Variants in SUMF1 observed in about 807,000 individuals in gnomAD.
SUMF1 encodes the protein formylglycine-generating enzyme.
A neutral mutation model predicts 47.6 loss-of-function variants in SUMF1; 48 were observed. That is an observed-to-expected ratio of 1.01 (90% CI 0.80 to 1.28). SUMF1 has a LOEUF of 1.28. Ranked by LOEUF, SUMF1 falls within the 50% of genes most tolerant of loss-of-function variation. SUMF1 has a pLI of 0.00. For synonymous variants in SUMF1, 230 were observed against 192.1 expected (o/e 1.20, Z -1.63); for missense variants, 571 against 485.4 (o/e 1.18, Z -1.66).
chr3:4,303,701 C>T (rs1698053047), intron 8 of SUMF1: 1 of 1,501,740 alleles, frequency 6.7e-7, no homozygotes, highest in Non-Finnish European at 8.9e-7. Context: ...TTTCTGTTGA[C>T]CCACGGCATC....
chr3:4,253,801 TG>T lies in SUMF1; in HGVS notation c.1014+122528del, dbSNP rs372810520. Among the ~76,000 whole-genome samples, 746 of 146,308 alleles carry T rather than the reference TG, an allele frequency of 5.1e-3. 2 individuals are homozygous for T. Among genetic ancestry groups the T allele is most frequent in the Middle Eastern group, 0.01 (3 of 290 alleles). The stretch of plus-strand genomic sequence containing the variant: ...TGCCTGCCTCTGTAGGCTCCACCTC[TG>T]GGGGGCAGGGCACAGACAAACAAAA... On this transcript the variant is annotated intron_variant and NMD_transcript_variant, in intron 8 of 12. Transcript: ENST00000448413.
intron 8 of SUMF1, among the ~76,000 whole-genome samples, chr3:4,102,922 C>CT (rs59784747): frequency 0.11 from 15,753 of 143,406 alleles, 1,568 homozygotes; most frequent in African/African-American, 0.25. Flanking sequence ...ACAGAAACTT[C>CT]TTTTTTTTTT....
At chr3:4,371,432 T>C (rs993179795) in intron 8 of SUMF1, among the ~76,000 whole-genome samples, 2 of 152,210 alleles carry the variant, frequency 1.3e-5, no homozygotes, top group Non-Finnish European at 2.9e-5. Context: ...AGCAGCAATA[T>C]GGTTTTTATG....
chr3:4,073,440 T>C (rs572698708), intron 8 of SUMF1, among the ~76,000 whole-genome samples: 1 of 152,044 alleles, frequency 6.6e-6, no homozygotes, highest in African/African-American at 2.4e-5. Context: ...ACAGGCAAAA[T>C]AACCAGCTAG....
At chr3:4,134,131 A>G (rs1306493132) in intron 8 of SUMF1, among the ~76,000 whole-genome samples, 1 of 152,102 alleles carries the variant, frequency 6.6e-6, no homozygotes, top group African/African-American at 2.4e-5. Flanking sequence ...ATAGACATCT[A>G]CAGAACTCTC....
At chr3:4,064,739 C>A (rs1333136194) in intron 9 of SUMF1, among the ~76,000 whole-genome samples, 1 of 152,074 alleles carries the variant, frequency 6.6e-6, no homozygotes, top group Admixed American at 6.6e-5. Flanking sequence ...AGGAATTGAA[C>A]CCAGGTCTAC....
chr3:4,185,017 A>C (rs1379404169), intron 8 of SUMF1, among the ~76,000 whole-genome samples: 2 of 152,106 alleles, frequency 1.3e-5, no homozygotes, highest in East Asian at 3.9e-4. Context: ...ATAAGGTAAA[A>C]TCATCCTATT....
At chr3:4,319,972 T>A (rs1278217643) in intron 8 of SUMF1, among the ~76,000 whole-genome samples, 1 of 152,104 alleles carries the variant, frequency 6.6e-6, no homozygotes, top group Non-Finnish European at 1.5e-5. Flanking sequence ...AGAATAAAAA[T>A]GTCAGTGGTT....
intron 8 of SUMF1, among the ~76,000 whole-genome samples, chr3:4,261,148 G>C (rs956515228): frequency 6.6e-6 from 1 of 152,104 alleles, no homozygotes; most frequent in African/African-American, 2.4e-5. Flanking sequence ...CATCTCAAGA[G>C]TCCCCATCCA....
intron 8 of SUMF1, among the ~76,000 whole-genome samples, chr3:4,369,969 A>G (rs892674514): frequency 2.0e-5 from 3 of 152,242 alleles, no homozygotes; most frequent in African/African-American, 7.2e-5. Context: ...GACGGATACA[A>G]TCAGAACAAG....
chr3:4,455,620 G>A (rs1703135411), intron 1 of SUMF1, among the ~76,000 whole-genome samples: 1 of 152,202 alleles, frequency 6.6e-6, no homozygotes, highest in South Asian at 2.1e-4. Context: ...GGGAGGCTGA[G>A]GCAGGAGAAT....
intron 8 of SUMF1, among the ~76,000 whole-genome samples, chr3:4,159,945 A>G (rs757441225): frequency 4.7e-4 from 72 of 152,200 alleles, no homozygotes; most frequent in Middle Eastern, 3.4e-3. Flanking sequence ...GCACAATTGT[A>G]TGTTATTTGT....
At chr3:4,296,556 G>A (rs1274850790) in intron 8 of SUMF1, among the ~76,000 whole-genome samples, 2 of 152,150 alleles carry the variant, frequency 1.3e-5, no homozygotes, top group Admixed American at 6.5e-5. Flanking sequence ...CAAGATAAGC[G>A]TGTGCAGGGG....
chr3:4,351,218 G>A lies in SUMF1; in HGVS notation c.1014+25112C>T, dbSNP rs571980450. Among the ~76,000 whole-genome samples the A allele has an allele frequency of 9.8e-4, 121 of 123,652 alleles. 1 individual carries two copies. Among genetic ancestry groups the A allele is most frequent in the African/African-American group, 5.2e-3 (120 of 23,240 alleles). The allele number at this position is 123,652 out of a possible 152,430, so 81.1% of individuals were successfully genotyped here. ...TGAATATGTTTCCCATATTAGTGAG[G>A]TCTCCCCACCCTCCCTGCTCTGAAT... is the stretch of plus-strand genomic sequence containing the variant. On this transcript the variant is annotated intron_variant and NMD_transcript_variant, in intron 8 of 12. Transcript: ENST00000448413.
intron 7 of SUMF1, among the ~76,000 whole-genome samples, chr3:4,392,784 G>A (rs1192274413): frequency 6.6e-6 from 1 of 151,774 alleles, no homozygotes; most frequent in Non-Finnish European, 1.5e-5. Flanking sequence ...AATATAAACT[G>A]TAGAATCTCA....
At chr3:4,434,695 A>G (rs2125082284) in intron 3 of SUMF1, among the ~76,000 whole-genome samples, 1 of 152,348 alleles carries the variant, frequency 6.6e-6, no homozygotes, top group South Asian at 2.1e-4. Flanking sequence ...CTAGTGAATA[A>G]AAAACTACAA....
chr3:4,369,229 G>A (rs1316697388), intron 8 of SUMF1, among the ~76,000 whole-genome samples: 1 of 152,124 alleles, frequency 6.6e-6, no homozygotes, highest in African/African-American at 2.4e-5. Flanking sequence ...CATTTTCCTT[G>A]TGGTCAGTGA....
Position 4,268,754 on chromosome 3 carries a change from C to A in SUMF1, c.1014+107576G>T, listed in dbSNP as rs530105057. On this transcript the variant is annotated intron_variant and NMD_transcript_variant, in intron 8 of 12. Transcript: ENST00000448413. The stretch of plus-strand genomic sequence containing the variant: ...TGAACTTGAACCCGTATCTAATTAA[C>A]TTTAAATCATGTGCATTTTCTACTC... Among the ~76,000 whole-genome samples the A allele has an allele frequency of 9.2e-4, 140 of 152,136 alleles. 1 individual carries two copies. The highest frequency in any genetic ancestry group is 5.4e-3 in the Admixed American group (82 of 15,266).
At chr3:4,444,996 G>A in intron 3 of SUMF1, among the ~76,000 whole-genome samples, 1 of 152,202 alleles carries the variant, frequency 6.6e-6, no homozygotes, top group East Asian at 1.9e-4. Flanking sequence ...CTGAAGCACT[G>A]CTAGGACTCA....
Sources: allele counts gnomAD v4.1 joint callset (sites outside exome capture counted in the v4.1 genomes callset), GRCh38; gene constraint gnomAD v4.1.1; transcripts MANE v1.5; gene names NCBI Gene and HGNC (gene_info 2026-07-23, HGNC 2026-07-21).